The following GSPT1 variants were observed in gnomAD, a reference collection of about 807,000 sequenced individuals.
GSPT1 encodes the protein eukaryotic peptide chain release factor GTP-binding subunit ERF3A.
Under a neutral mutation model 72.5 loss-of-function variants are expected in GSPT1, and 20 were observed. That is an observed-to-expected ratio of 0.28 (90% CI 0.19 to 0.40). GSPT1 has a LOEUF of 0.40. Among genes scored for constraint, GSPT1 ranks in the 10% least tolerant of loss-of-function variants. The pLI is 1.00. For missense variants in GSPT1, 580 were observed against 811.9 expected, an observed-to-expected ratio of 0.71 and a Z score of 3.47; for synonymous variants, 334 against 293.5, an observed-to-expected ratio of 1.14 and a Z score of -1.41.
At chr16:11,893,499 T>C (rs2054295993) in intron 5 of GSPT1, among the ~76,000 whole-genome samples, 1 of 151,950 alleles carries the variant, frequency 6.6e-6, no homozygotes, top group Admixed American at 6.6e-5. Flanking sequence ...ATTGCAACAA[T>C]GTTGTCTAGG....
intron 6 of GSPT1, among the ~76,000 whole-genome samples, chr16:11,890,153 G>A (rs931513378): frequency 6.6e-6 from 1 of 150,440 alleles, no homozygotes; most frequent in Non-Finnish European, 1.5e-5. Context: ...GTAGAGACGG[G>A]GTTTCACCAT....
At position 11,915,447 on chromosome 16, in the gene GSPT1, C is replaced by A. The variant is rs11544193; in HGVS notation, c.274G>T (p.Gly92Cys). The change falls in exon 1 of 15, where the codon GGC becomes TGC. Residue 92 changes from glycine (G) to cysteine (C), a missense_variant. Physicochemically the swap from Gly to Cys is radical, Grantham distance 159. This residue lies in a region of GSPT1 where 327 missense variants were observed against 298.8 expected (regional missense o/e 1.09). Transcript: ENST00000434724. ...ACTGGGGGTGGCGGCGCTGCCGGGC[C>A]CCGCAGGAAGGACGGCACGAACTCG... ...AAEFVPSFLRGPAAPPPPVGG... is the reference protein window; with the variant it reads ...AAEFVPSFLRCPAAPPPPVGG... The A allele has an allele frequency of 0.54, 828,960 of 1,534,978 alleles. 236,203 individuals are homozygous for A. Among genetic ancestry groups the A allele is most frequent in the Non-Finnish European group, 0.59 (679,344 of 1,143,076 alleles).
intron 1 of GSPT1, among the ~76,000 whole-genome samples, chr16:11,902,208 C>G (rs1179909244): frequency 6.6e-6 from 1 of 151,586 alleles, no homozygotes; most frequent in East Asian, 1.9e-4. Flanking sequence ...TGGTGAAACC[C>G]TGTCTCTACT....
In GSPT1 at chr16:11,897,742, T is replaced by A. The variant is rs1352841287; in HGVS notation, c.436+98A>T. 12 of 702,234 alleles carry A rather than the reference T, an allele frequency of 1.7e-5. 1 individual carries two copies. The Middle Eastern group carries it at 1.9e-3, about 110-fold the overall frequency. The allele number at this position is 702,234 out of a possible 1,614,324, so 43.5% of individuals were successfully genotyped here. On this transcript the variant is annotated intron_variant, in intron 3 of 14. Coordinates refer to ENST00000434724, the MANE Select transcript of GSPT1 (RefSeq NM_002094.4). ...GCAAAGACTCAATGTGTCTTAAATG[T>A]AGGCATTACAATAATCGTAACTTAC...
intron 5 of GSPT1, among the ~76,000 whole-genome samples, chr16:11,893,362 T>G (rs933450448): frequency 2.0e-5 from 3 of 152,122 alleles, no homozygotes; most frequent in Non-Finnish European, 2.9e-5. Flanking sequence ...TGGGCTCAAA[T>G]GATCCTTCCG....
chr16:11,915,549 G>A lies in GSPT1; in HGVS notation c.172C>T (p.Arg58Trp). The A allele has an allele frequency of 6.7e-7, 1 of 1,498,020 alleles. No individual in the cohort carries two copies. Among genetic ancestry groups the A allele is most frequent in the Non-Finnish European group, 8.9e-7 (1 of 1,123,634 alleles). 92.8% of individuals were successfully genotyped at this position (1,498,020 alleles called of 1,614,324 possible). A position where few individuals can be genotyped will look rare whatever the true frequency, so the allele number is the denominator to read the frequency against. The change falls in exon 1 of 15, where the codon CGG becomes TGG. Residue 58 changes from arginine (R) to tryptophan (W), a missense_variant. Arg to Trp is a moderately radical substitution (Grantham distance 101). Coordinates refer to ENST00000434724, the MANE Select transcript of GSPT1 (RefSeq NM_002094.4). ...CTGAAGGCCGCGCTGAGGTTCTCCC[G>A]CTGGGCCTCGGCCGCCGCCGCCAGG... ...GSLAAAAEAQ[R>W]ENLSAAFSRQ... is the part of the protein sequence containing the mutation.
chr16:11,910,602 C>G (rs1319081975), intron 1 of GSPT1, among the ~76,000 whole-genome samples: 2 of 152,190 alleles, frequency 1.3e-5, no homozygotes, highest in Non-Finnish European at 2.9e-5. Flanking sequence ...CCTTTCTCTT[C>G]AACCAGAAAG....
At position 11,904,416 on chromosome 16, in the gene GSPT1, A is replaced by T. The variant is rs567508709; in HGVS notation, c.353-6381T>A. 2.6e-5 allele frequency among the ~76,000 whole-genome samples: 4 copies of T among 151,940 alleles called. No homozygotes were observed. The East Asian group carries it at 5.8e-4, about 22-fold the overall frequency. ...ATGGGGTTTCACCATGTTGGCCAGG[A>T]TGGTCTCGATCTCCTGACCTTGTGA... On this transcript the variant is annotated intron_variant, in intron 1 of 14. Coordinates refer to ENST00000434724, the MANE Select transcript of GSPT1 (RefSeq NM_002094.4).
intron 5 of GSPT1, among the ~76,000 whole-genome samples, chr16:11,892,085 C>G (rs1310585473): frequency 6.7e-6 from 1 of 148,932 alleles, no homozygotes; most frequent in Non-Finnish European, 1.5e-5. Flanking sequence ...GGCTCATGCC[C>G]GTAATCCCAG....
rs2053963412 is a variant in GSPT1 at position 11,870,203 on chromosome 16, T to C, written c.*2916A>G. 1 of 152,158 alleles carries C rather than the reference T, an allele frequency of 6.6e-6. No homozygotes were observed. The highest frequency in any genetic ancestry group is 2.1e-4 in the South Asian group (1 of 4,832). The allele number at this position is 152,158 out of a possible 1,614,324, so 9.4% of individuals were successfully genotyped here. On this transcript the variant is annotated 3_prime_UTR_variant, in exon 15 of 15. Coordinates refer to ENST00000434724, the MANE Select transcript of GSPT1 (RefSeq NM_002094.4). ...CAAGACAATACACACTCAGTCCAAC[T>C]CTTTTGGTTTGATTTTACATAGATT...
chr16:11,881,844 A>G (rs1043413852), intron 11 of GSPT1: 1 of 151,824 alleles, frequency 6.6e-6, no homozygotes, highest in African/African-American at 2.4e-5. Context: ...TTTTTCACAG[A>G]GACAGGGTCT....
chr16:11,910,107 T>C (rs1284174508), intron 1 of GSPT1, among the ~76,000 whole-genome samples: 1 of 151,970 alleles, frequency 6.6e-6, no homozygotes, highest in African/African-American at 2.4e-5. Context: ...TAAAAAATAA[T>C]AAGTAAAAAG....
intron 4 of GSPT1, 73 bp from the exon 5 acceptor site, chr16:11,895,060 C>G: frequency 2.4e-6 from 2 of 846,026 alleles, no homozygotes; most frequent in South Asian, 1.4e-5. Context: ...AACAACAGCA[C>G]CCTTTAACAT....
At position 11,871,350 on chromosome 16, in the gene GSPT1, T is replaced by A. The variant is rs559961541; in HGVS notation, c.*1769A>T. The A allele has an allele frequency of 6.6e-6, 1 of 152,256 alleles. No individual in the cohort carries two copies. Among genetic ancestry groups the A allele is most frequent in the South Asian group, 2.1e-4 (1 of 4,822 alleles). 9.4% of individuals were successfully genotyped at this position (152,256 alleles called of 1,614,324 possible). A position where few individuals can be genotyped will look rare whatever the true frequency, so the allele number is the denominator to read the frequency against. On this transcript the variant is annotated 3_prime_UTR_variant, in exon 15 of 15. Transcript: ENST00000434724. Reference sequence around the variant, plus strand: ...TGAGAGGCTGAGGCGAGTGGATCACTTGAGGTCAGAAGTTTGAGACCAGCC... The same window carrying A: ...TGAGAGGCTGAGGCGAGTGGATCACATGAGGTCAGAAGTTTGAGACCAGCC...
chr16:11,916,145 C>G, upstream of GSPT1: 1 of 371,002 alleles, frequency 2.7e-6, no homozygotes, highest in South Asian at 1.8e-5. Context: ...TACCCCGCTG[C>G]GGTTTTCCCG....
intron 1 of GSPT1, chr16:11,904,070 C>T (rs999286544): frequency 8.7e-6 from 2 of 229,582 alleles, no homozygotes; most frequent in Non-Finnish European, 2.0e-5. Context: ...ATGCTCCAAA[C>T]ATTGAAATCG....
chr16:11,909,056 C>G (rs1327170738), intron 1 of GSPT1: 2 of 150,742 alleles, frequency 1.3e-5, no homozygotes, highest in East Asian at 3.9e-4. Flanking sequence ...AAATATTCAA[C>G]CAGGAAATTA....
chr16:11,876,997 T>C (rs1213503919), intron 12 of GSPT1, among the ~76,000 whole-genome samples: 1 of 152,216 alleles, frequency 6.6e-6, no homozygotes. Flanking sequence ...TCACTTACTC[T>C]GTCATTCTCC....
At chr16:11,874,439 T>C (rs2054014386) in intron 14 of GSPT1, among the ~76,000 whole-genome samples, 1 of 131,018 alleles carries the variant, frequency 7.6e-6, no homozygotes, top group South Asian at 2.6e-4. Flanking sequence ...GTGGAAAACC[T>C]AAAAGCCAAG....
Sources: gnomAD v4.1 joint callset for allele counts (sites outside exome capture counted in the v4.1 genomes callset) on GRCh38, gnomAD v4.1.1 for gene constraint, gnomAD v4.1.1 regional missense constraint, MANE v1.5 for transcripts, NCBI Gene and HGNC (gene_info 2026-07-23, HGNC 2026-07-21) for gene names.